The following DOCK1 variants were observed in gnomAD, a reference collection of about 807,000 sequenced individuals.
The protein encoded by DOCK1 is dedicator of cytokinesis 1.
Under a neutral mutation model 262.7 loss-of-function variants are expected in DOCK1, and 138 were observed. The observed-to-expected ratio is 0.53, with a 90% CI of 0.46 to 0.61. The LOEUF (loss-of-function observed/expected upper bound fraction) is 0.61, where lower values mean the gene tolerates loss of function less well. DOCK1 is among the 20% of genes least tolerant of loss of function. The probability of loss-of-function intolerance (pLI) is 0.00; values close to 1 mark genes in which losing one functional copy is unlikely to be tolerated. For missense variants in DOCK1, 1,908 were observed against 2,370.7 expected (o/e 0.80, Z 4.05); for synonymous variants, 866 against 867.4 (o/e 1.00, Z 0.03).
chr10:127,260,991 TCATGTGTGTGTACCTG>T (rs1348875169), intron 29 of DOCK1, among the ~76,000 whole-genome samples: 1 of 43,772 alleles, frequency 2.3e-5, no homozygotes. Context: ...GTACCCGTGC[TCATGTGTGTGTACCTG>T]CATGTGTGTG....
intron 28 of DOCK1, 104 bp downstream of exon 28, chr10:127,248,213 G>T: frequency 9.8e-7 from 1 of 1,021,662 alleles, no homozygotes; most frequent in Admixed American, 2.3e-5. Context: ...TTTTGCATGA[G>T]AACTTGTCTC....
chr10:126,976,755 A>G (rs1379439956), intron 2 of DOCK1, among the ~76,000 whole-genome samples: 2 of 150,560 alleles, frequency 1.3e-5, no homozygotes, highest in Non-Finnish European at 3.0e-5. Context: ...TTTTTTTGAG[A>G]TAGAGTCTTG....
rs11016702 is a variant in DOCK1, at chr10:127,190,681, C to A, written c.2848-57327C>A. 8.1e-3 allele frequency among the ~76,000 whole-genome samples: 534 copies of A among 65,760 alleles called. 66 individuals carry two copies. Among genetic ancestry groups the A allele is most frequent in the African/African-American group, 0.025 (484 of 19,026 alleles). The allele number at this position is 65,760 out of a possible 152,430, so 43.1% of individuals were successfully genotyped here. ...ATCCTATCTTCCCCCCCCCCCCCCC[C>A]CCGTTCCTGCTGGCTCCCAGATTTC... On this transcript the variant is annotated intron_variant, in intron 27 of 51. Transcript: ENST00000623213.
At chr10:127,428,367 G>T (rs1418638213) in intron 47 of DOCK1, among the ~76,000 whole-genome samples, 1 of 148,748 alleles carries the variant, frequency 6.7e-6, no homozygotes, top group African/African-American at 2.4e-5. Context: ...GAAAGCAAGG[G>T]CAGGAAGGTA....
At chr10:127,139,161 A>T (rs1592174957) in intron 27 of DOCK1, among the ~76,000 whole-genome samples, 1 of 152,332 alleles carries the variant, frequency 6.6e-6, no homozygotes, top group South Asian at 2.1e-4. Flanking sequence ...GCATGAGCTC[A>T]TAACATTTTA....
chr10:127,433,906 T>A (rs556560567), intron 48 of DOCK1, among the ~76,000 whole-genome samples: 2 of 152,072 alleles, frequency 1.3e-5, no homozygotes, highest in East Asian at 3.9e-4. Flanking sequence ...CCAAGACAAT[T>A]CTTCTTCTTC....
chr10:127,096,319 A>T (rs1397487801), intron 23 of DOCK1, among the ~76,000 whole-genome samples: 1 of 152,148 alleles, frequency 6.6e-6, no homozygotes. Flanking sequence ...AATTGGCAGA[A>T]CTGGTCTTGG....
chr10:127,415,299 G>A lies in DOCK1; in HGVS notation c.4515+61G>A, dbSNP rs116070666. 6.4e-4 allele frequency: 985 copies of A among 1,527,544 alleles called. 9 individuals carry two copies. In the African/African-American group the frequency reaches 0.012, roughly 18 times the overall value. 94.6% of individuals were successfully genotyped at this position (1,527,544 alleles called of 1,614,324 possible). A position where few individuals can be genotyped will look rare whatever the true frequency, so the allele number is the denominator to read the frequency against. ...TCCCTTCCTCAATACAGTCTGCCAC[G>A]CCTTCTTCACCTGCTCATGCCCCGT... On this transcript the variant is annotated intron_variant, in intron 44 of 51. Transcript: ENST00000623213.
At chr10:127,433,150 C>T (rs1163305338) in intron 47 of DOCK1, 133 bp from the exon 48 acceptor site, 3 of 1,262,478 alleles carry the variant, frequency 2.4e-6, no homozygotes, top group Non-Finnish European at 3.3e-6. Context: ...AGAACAAGAA[C>T]ATGTACTGTT....
chr10:127,303,890 G>A (rs961663095), intron 29 of DOCK1, among the ~76,000 whole-genome samples: 2 of 152,158 alleles, frequency 1.3e-5, no homozygotes, highest in African/African-American at 2.4e-5. Context: ...AGGTGAGAGA[G>A]CATCATGTAA....
chr10:127,216,220 T>G (rs2058202325), intron 27 of DOCK1, among the ~76,000 whole-genome samples: 1 of 151,934 alleles, frequency 6.6e-6, no homozygotes, highest in Admixed American at 6.6e-5. Flanking sequence ...TGTTTGTATC[T>G]TTCATTATAT....
chr10:127,270,635 A>G (rs1198579035), intron 29 of DOCK1, among the ~76,000 whole-genome samples: 2 of 151,136 alleles, frequency 1.3e-5, no homozygotes, highest in Non-Finnish European at 2.9e-5. Flanking sequence ...ATGGATGTGC[A>G]GTGGTGTGTA....
At chr10:127,419,475 A>G (rs1054102045) in intron 45 of DOCK1, among the ~76,000 whole-genome samples, 191 bp from the exon 46 acceptor site, 4 of 152,220 alleles carry the variant, frequency 2.6e-5, no homozygotes, top group Non-Finnish European at 4.4e-5. Flanking sequence ...TGTTAGCTCC[A>G]CTTACAGTGT....
In DOCK1 at chr10:127,257,421, G is replaced by A; in HGVS notation, c.3036G>A (p.Val1012=). ...TCGACTGGGTGATCATGAACATGGT[G>A]CAAAATAAGTAAGTGTGGGGAAAAC... ...YPFDWVIMNM[V]QNKVFLRAIN... The change falls in exon 29 of 52, where the codon GTG becomes GTA. Residue 1012 remains valine (V), a synonymous_variant. Transcript: ENST00000623213. 1 of 1,602,208 alleles carries A rather than the reference G, an allele frequency of 6.2e-7. No homozygotes were observed. The highest frequency in any genetic ancestry group is 8.5e-7 in the Non-Finnish European group (1 of 1,173,606).
At chr10:127,230,587 AT>A (rs143531796) in intron 27 of DOCK1, among the ~76,000 whole-genome samples, 9,590 of 152,074 alleles carry the variant, frequency 0.063, 341 homozygotes, top group East Asian at 0.17. Flanking sequence ...GTGTGGATTT[AT>A]TTCCAGGCTC....
At chr10:127,182,719 A>G (rs1035767564) in intron 27 of DOCK1, among the ~76,000 whole-genome samples, 2 of 152,196 alleles carry the variant, frequency 1.3e-5, no homozygotes, top group African/African-American at 4.8e-5. Context: ...AGTTGGTTCC[A>G]ACAACTCACC....
chr10:126,931,426 T>G (rs973767627), intron 1 of DOCK1, among the ~76,000 whole-genome samples: 75,710 of 151,908 alleles, frequency 0.5, 20,764 homozygotes, highest in African/African-American at 0.73. Flanking sequence ...CAGTGGGTGG[T>G]ACCTGGTCTG....
At chr10:127,178,990 C>A (rs1274250153) in intron 27 of DOCK1, among the ~76,000 whole-genome samples, 1 of 152,086 alleles carries the variant, frequency 6.6e-6, no homozygotes, top group African/African-American at 2.4e-5. Context: ...CTTTGTTGTC[C>A]AGGTATGTCA....
intron 24 of DOCK1, among the ~76,000 whole-genome samples, chr10:127,109,277 C>T (rs1218786159): frequency 6.6e-6 from 1 of 152,172 alleles, no homozygotes; most frequent in African/African-American, 2.4e-5. Context: ...GAAACCGTAT[C>T]TGCCCATTTT....
Sources: gnomAD v4.1 joint callset for allele counts (sites outside exome capture counted in the v4.1 genomes callset) on GRCh38, gnomAD v4.1.1 for gene constraint, MANE v1.5 for transcripts, NCBI Gene and HGNC (gene_info 2026-07-23, HGNC 2026-07-21) for gene names.